Variants in MDGA2 observed in about 807,000 individuals in gnomAD.
The protein encoded by MDGA2 is MAM domain containing glycosylphosphatidylinositol anchor 2.
Under a neutral mutation model 117.8 loss-of-function variants are expected in MDGA2, and 40 were observed. The ratio of observed to expected loss-of-function variants is 0.34; its 90% CI spans 0.26 to 0.44. The LOEUF is 0.44. Among genes scored for constraint, MDGA2 ranks in the 20% least tolerant of loss-of-function variants. MDGA2 has a pLI of 1.00. For missense variants in MDGA2, 1,123 were observed against 1,250.6 expected (o/e 0.90, Z 1.54); for synonymous variants, 452 against 439.0 (o/e 1.03, Z -0.37).
At chr14:47,455,148 T>G (rs1455998644) in intron 1 of MDGA2, among the ~76,000 whole-genome samples, 3 of 152,216 alleles carry the variant, frequency 2.0e-5, no homozygotes, top group South Asian at 2.1e-4. Context: ...ACATTTCTGT[T>G]GTACAAAATA....
intron 1 of MDGA2, among the ~76,000 whole-genome samples, chr14:47,455,542 C>T (rs913951974): frequency 6.6e-6 from 1 of 151,766 alleles, no homozygotes; most frequent in Non-Finnish European, 1.5e-5. Context: ...AAAAGAGTGG[C>T]ACATTAAAGA....
At chr14:47,654,059 C>T (rs765655317) in intron 1 of MDGA2, among the ~76,000 whole-genome samples, 1 of 152,122 alleles carries the variant, frequency 6.6e-6, no homozygotes, top group Non-Finnish European at 1.5e-5. Context: ...AAAACTAACA[C>T]AACCATCAAT....
At chr14:46,890,628 C>T (rs1042818594) in intron 10 of MDGA2, among the ~76,000 whole-genome samples, 1 of 152,062 alleles carries the variant, frequency 6.6e-6, no homozygotes, top group Non-Finnish European at 1.5e-5. Flanking sequence ...TCTTCCCTCA[C>T]CTATCTTAGT....
At chr14:47,175,051 G>A (rs1884371453) in intron 3 of MDGA2, among the ~76,000 whole-genome samples, 1 of 151,992 alleles carries the variant, frequency 6.6e-6, no homozygotes, top group Admixed American at 6.5e-5. Context: ...AAATCTAGAA[G>A]AAATGGATAA....
In MDGA2 at chr14:47,674,599, A is replaced by T. The variant is rs1414756150; in HGVS notation, c.198T>A (p.Val66=). ...CGTACAGTAAATCCATCTTCACGTG[A>T]ACATGAACATATCCAGCCCAGGGGG... is the stretch of plus-strand genomic sequence containing the variant. ...LRTPWAGYVH[V]HVKMDLLYGL... Residue 66 remains valine (V), a synonymous_variant, in exon 1 of 17, where the codon GTT becomes GTA. Transcript: ENST00000399232. 6.4e-7 allele frequency: 1 copy of T among 1,550,884 alleles called. No homozygotes were observed. The highest frequency in any genetic ancestry group is 1.4e-5 in the African/African-American group (1 of 72,978).
At chr14:47,200,459 A>G in intron 3 of MDGA2, 7 of 473,174 alleles carry the variant, frequency 1.5e-5, no homozygotes, top group Non-Finnish European at 2.2e-5. Context: ...TCAATATATG[A>G]CATTAGTTTT....
chr14:47,627,738 T>G (rs1402071142), intron 1 of MDGA2, among the ~76,000 whole-genome samples: 3 of 152,192 alleles, frequency 2.0e-5, no homozygotes, highest in Non-Finnish European at 4.4e-5. Context: ...TGGGGTCCCC[T>G]TCCACATTGT....
chr14:47,046,459 G>A (rs1889268404), intron 7 of MDGA2, among the ~76,000 whole-genome samples: 3 of 151,618 alleles, frequency 2.0e-5, no homozygotes, highest in Admixed American at 1.3e-4. Flanking sequence ...TCATGGGGTT[G>A]GGGGAGAGGG....
chr14:46,851,655 G>A (rs1323866914), intron 15 of MDGA2, among the ~76,000 whole-genome samples: 1 of 151,812 alleles, frequency 6.6e-6, no homozygotes, highest in Non-Finnish European at 1.5e-5. Context: ...CAGTGTAAAT[G>A]CTAGTGAAAG....
At chr14:47,117,315 C>G (rs574666028) in intron 5 of MDGA2, among the ~76,000 whole-genome samples, 12 of 152,096 alleles carry the variant, frequency 7.9e-5, no homozygotes, top group Non-Finnish European at 1.6e-4. Flanking sequence ...ACTGGTGCAG[C>G]TGCAATGGAA....
At chr14:47,556,322 T>G (rs1895682474) in intron 1 of MDGA2, among the ~76,000 whole-genome samples, 1 of 152,186 alleles carries the variant, frequency 6.6e-6, no homozygotes, top group Non-Finnish European at 1.5e-5. Flanking sequence ...GCCTCTTCAA[T>G]TCTCTCCAGA....
intron 1 of MDGA2, among the ~76,000 whole-genome samples, chr14:47,381,818 G>A (rs951440405): frequency 5.5e-4 from 84 of 152,150 alleles, no homozygotes; most frequent in Middle Eastern, 3.4e-3. Flanking sequence ...TGCCATCCCC[G>A]TCAAGCTACC....
chr14:47,131,812 C>A lies in MDGA2; in HGVS notation c.827G>T (p.Arg276Leu). The change falls in exon 5 of 17, where the codon CGA (arginine) becomes CTA (leucine). Residue 276 changes from arginine (R) to leucine (L), a missense_variant. Physicochemically the swap from Arg to Leu is moderately radical, Grantham distance 102 (BLOSUM62 -2). Coordinates refer to ENST00000399232, the MANE Select transcript of MDGA2 (RefSeq NM_001113498.3). The part of the protein sequence containing the change: ...ETKILKLKNL[R>L]PQDYANYSCI... ...GCTATAATTAGCATAGTCCTGAGGT[C>A]GAAGATTCTTTAGTTTTAAGATCTT... 6.3e-7 allele frequency: 1 copy of A among 1,589,466 alleles called. No homozygotes were observed. The highest frequency in any genetic ancestry group is 8.6e-7 in the Non-Finnish European group (1 of 1,162,270).
intron 1 of MDGA2, among the ~76,000 whole-genome samples, chr14:47,484,078 C>T (rs1323660510): frequency 2.0e-5 from 3 of 151,866 alleles, no homozygotes; most frequent in Non-Finnish European, 2.9e-5. Flanking sequence ...GTTGGAGAAA[C>T]CTCAAAATTA....
At chr14:47,345,868 T>G (rs1890751779) in intron 1 of MDGA2, among the ~76,000 whole-genome samples, 1 of 151,978 alleles carries the variant, frequency 6.6e-6, no homozygotes, top group South Asian at 2.1e-4. Flanking sequence ...AATAGTCAAG[T>G]TTTTTAGCTA....
chr14:46,955,571 T>C (rs1189675705), intron 9 of MDGA2, among the ~76,000 whole-genome samples: 2 of 152,082 alleles, frequency 1.3e-5, no homozygotes, highest in Non-Finnish European at 2.9e-5. Context: ...CCTTCTGACA[T>C]TTAAGTGAAC....
intron 5 of MDGA2, among the ~76,000 whole-genome samples, chr14:47,108,050 A>G (rs1880819810): frequency 6.7e-6 from 1 of 148,820 alleles, no homozygotes; most frequent in South Asian, 2.1e-4. Flanking sequence ...TGAAACCTTT[A>G]TATCCCTTAT....
At chr14:46,920,755 A>G (rs1884096200) in intron 9 of MDGA2, among the ~76,000 whole-genome samples, 1 of 152,204 alleles carries the variant, frequency 6.6e-6, no homozygotes, top group Non-Finnish European at 1.5e-5. Context: ...AAAATGTGGT[A>G]TCCTAGAGGT....
chr14:47,131,291 T>TG (rs1170798315), intron 5 of MDGA2, among the ~76,000 whole-genome samples: 1 of 152,036 alleles, frequency 6.6e-6, no homozygotes, highest in Non-Finnish European at 1.5e-5. Context: ...AACATCTATC[T>TG]GAAATTACCT....
Sources: allele counts gnomAD v4.1 joint callset (sites outside exome capture counted in the v4.1 genomes callset), GRCh38; gene constraint gnomAD v4.1.1; transcripts MANE v1.5; gene names NCBI Gene and HGNC (gene_info 2026-07-23, HGNC 2026-07-21).